The following NLRP9 variants were observed in gnomAD, a reference collection of about 807,000 sequenced individuals.
The protein encoded by NLRP9 is NACHT, LRR and PYD domains-containing protein 9.
Under a neutral mutation model 83.1 loss-of-function variants are expected in NLRP9, and 88 were observed. The observed-to-expected ratio is 1.06, with a 90% CI of 0.89 to 1.26. NLRP9 has a LOEUF of 1.26. Ranked by LOEUF, NLRP9 falls within the 50% of genes most tolerant of loss-of-function variation. The probability of loss-of-function intolerance (pLI) is 0.00; values close to 1 mark genes in which losing one functional copy is unlikely to be tolerated. For missense variants in NLRP9, 1,308 were observed against 1,179.3 expected, an observed-to-expected ratio of 1.11 and a Z score of -1.60; for synonymous variants, 521 against 447.6, an observed-to-expected ratio of 1.16 and a Z score of -2.07.
Position 55,732,394 on chromosome 19 carries a change from T to A in NLRP9, c.1437A>T (p.Ala479=). The A allele has an allele frequency of 1.2e-6, 2 of 1,614,236 alleles. No individual in the cohort carries two copies. Among genetic ancestry groups the A allele is most frequent in the Non-Finnish European group, 8.5e-7 (1 of 1,180,038 alleles). The change falls in exon 2 of 9, where the codon GCA becomes GCT. Residue 479 remains alanine, a synonymous_variant. Coordinates refer to ENST00000332836, the MANE Select transcript of NLRP9 (RefSeq NM_176820.4). The part of the protein sequence containing the change: ...AIGSITQLVR[A]SVVQPQTLLT... Reference sequence around the variant, plus strand: ...AGAGGGTTTGAGGCTGAACCACACTTGCTCTTACAAGCTGGGTTATGCTTC... The same window carrying A: ...AGAGGGTTTGAGGCTGAACCACACTAGCTCTTACAAGCTGGGTTATGCTTC...
intron 8 of NLRP9, chr19:55,711,292 G>GA (rs1987712594): frequency 2.3e-6 from 2 of 859,642 alleles, no homozygotes; most frequent in Non-Finnish European, 2.8e-6. Context: ...AAATCAGAAG[G>GA]AAAAATTAAC....
intron 4 of NLRP9, among the ~76,000 whole-genome samples, chr19:55,721,240 G>T (rs1439034489): frequency 6.6e-6 from 1 of 152,146 alleles, no homozygotes; most frequent in Non-Finnish European, 1.5e-5. Flanking sequence ...ATTGGTATAT[G>T]GGACTTCTCT....
At position 55,737,793 on chromosome 19, in the gene NLRP9, A is replaced by G. The variant is rs567327083; in HGVS notation, c.280+302T>C. ...AACTACCATACTAGAATTCCATCTC[A>G]GTAGACCTGGCAATGCAGACACTAA... On this transcript the variant is annotated intron_variant, in intron 1 of 8. Transcript: ENST00000332836. Among the ~76,000 whole-genome samples the G allele has an allele frequency of 4.0e-5, 6 of 150,748 alleles. 1 individual carries two copies. In the South Asian group the frequency reaches 8.5e-4, roughly 21 times the overall value.
chr19:55,717,025 CTCTT>C, intron 4 of NLRP9, 127 bp from the exon 5 acceptor site: 1 of 569,104 alleles, frequency 1.8e-6, no homozygotes, highest in South Asian at 2.6e-5. Context: ...ACACTACAGA[CTCTT>C]TTTCTTTTTT....
rs148319418 is a variant in NLRP9 at position 55,738,283 on chromosome 19, T to C, written c.92A>G (p.Lys31Arg). Residue 31 changes from lysine to arginine, a missense_variant, in exon 1 of 9, where the codon AAA becomes AGA. Coordinates refer to ENST00000332836, the MANE Select transcript of NLRP9 (RefSeq NM_176820.4). ...GAGTTCAAATTTCTCCAAAGGTTGT[T>C]TGAGGAGCTCCTTAAATTTCCAAAA... ...EEFWKFKELL[K>R]QPLEKFELKP... 1 of 1,614,106 alleles carries C rather than the reference T, an allele frequency of 6.2e-7. No individual in the cohort carries two copies. The highest frequency in any genetic ancestry group is 1.7e-5 in the Admixed American group (1 of 60,014).
At chr19:55,730,538 A>C (rs1252548604) in intron 2 of NLRP9, among the ~76,000 whole-genome samples, 1 of 152,242 alleles carries the variant, frequency 6.6e-6, no homozygotes, top group African/African-American at 2.4e-5. Context: ...CTGGATAAAG[A>C]AAATGTGGTA....
chr19:55,715,570 G>A (rs1353118364), intron 5 of NLRP9, among the ~76,000 whole-genome samples: 5 of 152,182 alleles, frequency 3.3e-5, no homozygotes, highest in Non-Finnish European at 7.3e-5. Context: ...TGTAATCCCA[G>A]CTACTCGGGA....
Position 55,711,927 on chromosome 19 carries a change from C to T in NLRP9, c.2716G>A (p.Ala906Thr), listed in dbSNP as rs971318369. 34 of 1,613,008 alleles carry T rather than the reference C, an allele frequency of 2.1e-5. No homozygotes were observed. The highest frequency in any genetic ancestry group is 2.5e-5 in the Non-Finnish European group (30 of 1,179,938). The part of the protein sequence containing the change: ...PITRACCDDI[A>T]AALIACKTLR... Reference sequence around the variant, plus strand: ...GTTTTGCAGGCGATGAGTGCTGCGGCGATGTCGTCGCAGCAGGCACGGGTG... The same window carrying T: ...GTTTTGCAGGCGATGAGTGCTGCGGTGATGTCGTCGCAGCAGGCACGGGTG... The change falls in exon 8 of 9, where the codon GCC becomes ACC. Residue 906 changes from alanine to threonine, a missense_variant. Physicochemically the swap from Ala to Thr is moderately conservative, Grantham distance 58. Coordinates refer to ENST00000332836, the MANE Select transcript of NLRP9 (RefSeq NM_176820.4).
rs141060357 is a variant in NLRP9, at chr19:55,726,085, C to T, written c.1995-1941G>A. Among the ~76,000 whole-genome samples, 4 of 151,934 alleles carry T rather than the reference C, an allele frequency of 2.6e-5. No homozygotes were observed. The East Asian group carries it at 5.8e-4, about 22-fold the overall frequency. On this transcript the variant is annotated intron_variant, in intron 3 of 8. Transcript: ENST00000332836. Reference sequence around the variant, plus strand: ...TTCTGGAGACACCTGTGAGAATAAGCGGGAGGTGGTGGCAAAAAGGACAGG... The same window carrying T: ...TTCTGGAGACACCTGTGAGAATAAGTGGGAGGTGGTGGCAAAAAGGACAGG...
At position 55,732,066 on chromosome 19, in the gene NLRP9, G is replaced by C. The variant is rs1388234995; in HGVS notation, c.1765C>G (p.Gln589Glu). The C allele has an allele frequency of 6.2e-7, 1 of 1,606,956 alleles. No individual in the cohort carries two copies. The highest frequency in any genetic ancestry group is 8.5e-7 in the Non-Finnish European group (1 of 1,177,940). ...VIASFCLKHC[Q>E]HLTTLRMCVE... ...CACATGCGAAGTGTCGTTAAATGTT[G>C]ACAATGCTTCAGGCAGAATGAAGCT... Residue 589 changes from glutamine (Q) to glutamate (E), a missense_variant, in exon 2 of 9, where the codon CAA becomes GAA. By Grantham distance (29) the Gln-to-Glu change is conservative (BLOSUM62 2). Transcript: ENST00000332836.
At position 55,729,974 on chromosome 19, in the gene NLRP9, G is replaced by A. The variant is rs1988524475; in HGVS notation, c.1851C>T (p.Val617=). 6 of 1,613,126 alleles carry A rather than the reference G, an allele frequency of 3.7e-6. No individual in the cohort carries two copies. Among genetic ancestry groups the A allele is most frequent in the Non-Finnish European group, 5.1e-6 (6 of 1,179,586 alleles). Residue 617 remains valine, a synonymous_variant, in exon 3 of 9, where the codon GTC becomes GTT. Coordinates refer to ENST00000332836, the MANE Select transcript of NLRP9 (RefSeq NM_176820.4). ...ACATTGAGCAAAGCTCCCGCCAGTA[G>A]ACGAGCTTCTCATTGTAACTATGAG... The part of the protein sequence containing the change: ...GCISDYNEKL[V]YWRELCSMFI...
intron 4 of NLRP9, among the ~76,000 whole-genome samples, chr19:55,721,469 A>G (rs11878767): frequency 0.014 from 2,163 of 152,238 alleles, 58 homozygotes; most frequent in African/African-American, 0.05. Flanking sequence ...GGTTGGATTT[A>G]GGCAAATACC....
chr19:55,715,322 T>C (rs1414682126), intron 5 of NLRP9, 97 bp from the exon 6 acceptor site: 5 of 1,017,400 alleles, frequency 4.9e-6, no homozygotes, highest in Admixed American at 5.4e-5. Flanking sequence ...CTTCCTATGG[T>C]AATATTACCA....
Position 55,732,395 on chromosome 19 carries a change from G to A in NLRP9, c.1436C>T (p.Ala479Val). ...GAGGGTTTGAGGCTGAACCACACTT[G>A]CTCTTACAAGCTGGGTTATGCTTCC... Reference protein sequence around the residue: ...AIGSITQLVRASVVQPQTLLT... With the variant: ...AIGSITQLVRVSVVQPQTLLT... Residue 479 changes from alanine to valine, a missense_variant, in exon 2 of 9, where the codon GCA (alanine) becomes GTA (valine). Transcript: ENST00000332836. The A allele has an allele frequency of 6.2e-7, 1 of 1,614,208 alleles. No homozygotes were observed. The highest frequency in any genetic ancestry group is 8.5e-7 in the Non-Finnish European group (1 of 1,180,040).
In NLRP9 at chr19:55,708,900, G is replaced by A; in HGVS notation, c.*12C>T. 2 of 1,529,288 alleles carry A rather than the reference G, an allele frequency of 1.3e-6. No individual in the cohort carries two copies. The highest frequency in any genetic ancestry group is 1.7e-6 in the Non-Finnish European group (2 of 1,146,264). The allele number at this position is 1,529,288 out of a possible 1,614,324, so 94.7% of individuals were successfully genotyped here. The stretch of plus-strand genomic sequence containing the variant: ...AAGCCTTTGTGAGACGACTACTTCA[G>A]GGTGTTCCCCATCAGAGGAGCACAC... On this transcript the variant is annotated 3_prime_UTR_variant, in exon 9 of 9. Coordinates refer to ENST00000332836, the MANE Select transcript of NLRP9 (RefSeq NM_176820.4).
At chr19:55,729,085 G>T (rs560842020) in intron 3 of NLRP9, among the ~76,000 whole-genome samples, 1 of 76,434 alleles carries the variant, frequency 1.3e-5, no homozygotes, top group African/African-American at 5.8e-5. Flanking sequence ...CAAATTTAAG[G>T]CTATTTTTCT....
chr19:55,711,912 C>T lies in NLRP9; in HGVS notation c.2731G>A (p.Ala911Thr), dbSNP rs761358923. Residue 911 changes from alanine to threonine, a missense_variant, in exon 8 of 9, where the codon GCC becomes ACC. Ala to Thr is a moderately conservative substitution (Grantham distance 58, BLOSUM62 0). Transcript: ENST00000332836. ...TTCAGGCTCCTCAGTGTTTTGCAGG[C>T]GATGAGTGCTGCGGCGATGTCGTCG... ...CCDDIAAALI[A>T]CKTLRSLNLD... 36 of 1,613,216 alleles carry T rather than the reference C, an allele frequency of 2.2e-5. 1 individual carries two copies. In the Middle Eastern group the frequency reaches 9.9e-4, roughly 44 times the overall value.
At chr19:55,715,889 T>C (rs1051198024) in intron 5 of NLRP9, among the ~76,000 whole-genome samples, 1 of 152,226 alleles carries the variant, frequency 6.6e-6, no homozygotes, top group African/African-American at 2.4e-5. Context: ...ATATCCCATG[T>C]AGAATAATTT....
intron 4 of NLRP9, among the ~76,000 whole-genome samples, chr19:55,718,400 C>T (rs753885982): frequency 6.6e-5 from 10 of 151,988 alleles, no homozygotes; most frequent in Admixed American, 1.3e-4. Flanking sequence ...CTGCTGGTCC[C>T]TGGGAATGGA....
Sources: gnomAD v4.1 joint callset for allele counts (sites outside exome capture counted in the v4.1 genomes callset) on GRCh38, gnomAD v4.1.1 for gene constraint, MANE v1.5 for transcripts, NCBI Gene and HGNC (gene_info 2026-07-23, HGNC 2026-07-21) for gene names.